ZNF536: variants seen among roughly 807,000 people sequenced by gnomAD.
ZNF536 encodes zinc finger protein 536.
ZNF536 carries 13 observed loss-of-function variants against 84.5 expected under a neutral mutation model. That is an observed-to-expected ratio of 0.15 (90% CI 0.10 to 0.24). ZNF536 has a LOEUF of 0.24. Among genes scored for constraint, ZNF536 ranks in the 10% least tolerant of loss-of-function variants. ZNF536 has a pLI of 1.00. For synonymous variants in ZNF536, 811 were observed against 742.5 expected (o/e 1.09, Z -1.50); for missense variants, 1,536 against 1,747.5 (o/e 0.88, Z 2.16).
intron 2 of ZNF536, among the ~76,000 whole-genome samples, chr19:30,507,880 T>C (rs2055238081): frequency 6.6e-6 from 1 of 152,190 alleles, no homozygotes; most frequent in South Asian, 2.1e-4. Flanking sequence ...GCCCATGCTT[T>C]TTTCTTTCTC....
intron 1 of ZNF536, among the ~76,000 whole-genome samples, chr19:30,255,256 A>G (rs2024850757): frequency 6.6e-6 from 1 of 152,104 alleles, no homozygotes; most frequent in South Asian, 2.1e-4. Flanking sequence ...CGGTGGGAAC[A>G]TATGGCTTTA....
At chr19:30,565,493 C>T (rs1228208748) in intron 1 of ZNF536, among the ~76,000 whole-genome samples, 1 of 152,244 alleles carries the variant, frequency 6.6e-6, no homozygotes. Context: ...AACCCTCTGT[C>T]ATTATCAGAA....
At chr19:30,268,279 A>T (rs988144695) in intron 1 of ZNF536, among the ~76,000 whole-genome samples, 3 of 152,108 alleles carry the variant, frequency 2.0e-5, no homozygotes, top group Non-Finnish European at 4.4e-5. Flanking sequence ...GATTCTTACT[A>T]TTGCAGGACC....
chr19:30,661,130 G>A (rs778488350), intron 1 of ZNF536, among the ~76,000 whole-genome samples: 5 of 152,146 alleles, frequency 3.3e-5, no homozygotes, highest in Non-Finnish European at 7.4e-5. Flanking sequence ...AAATTAAATT[G>A]CATGAGGCTT....
chr19:30,488,675 C>T (rs2054388560), intron 2 of ZNF536, among the ~76,000 whole-genome samples: 1 of 151,908 alleles, frequency 6.6e-6, no homozygotes, highest in Non-Finnish European at 1.5e-5. Context: ...GGAAAGCAAG[C>T]CAGGGGCAGA....
chr19:30,527,219 CTTTTTTTTTTTTTT>C (rs56404227), intron 2 of ZNF536, among the ~76,000 whole-genome samples: 54 of 106,170 alleles, frequency 5.1e-4, no homozygotes, highest in Admixed American at 2.1e-3. Flanking sequence ...ACCCAGCCTC[CTTTTTTTTTTTTTT>C]TTTTTTTTTT....
intron 2 of ZNF536, among the ~76,000 whole-genome samples, chr19:30,516,806 C>A (rs1045785067): frequency 1.3e-5 from 2 of 151,922 alleles, no homozygotes; most frequent in South Asian, 2.1e-4. Context: ...GGCTTCGTGG[C>A]GGCAGTGGAA....
chr19:30,467,939 G>A (rs578056060), intron 2 of ZNF536, among the ~76,000 whole-genome samples: 3 of 152,326 alleles, frequency 2.0e-5, no homozygotes, highest in South Asian at 2.1e-4. Flanking sequence ...GCCGCACAGC[G>A]GCCTGTGTGA....
chr19:30,241,182 G>A (rs987961977), intron 1 of ZNF536, among the ~76,000 whole-genome samples: 8 of 152,186 alleles, frequency 5.3e-5, no homozygotes, highest in African/African-American at 1.7e-4. Flanking sequence ...GCTGGGTGTG[G>A]TGGTGCATGC....
intron 1 of ZNF536, among the ~76,000 whole-genome samples, chr19:30,572,627 A>C (rs143138336): frequency 6.6e-6 from 1 of 152,230 alleles, no homozygotes; most frequent in African/African-American, 2.4e-5. Flanking sequence ...GCGTTGGCAG[A>C]TGGTCGCCAA....
intron 1 of ZNF536, among the ~76,000 whole-genome samples, chr19:30,636,624 T>G (rs2093056376): frequency 6.6e-6 from 1 of 152,132 alleles, no homozygotes; most frequent in Admixed American, 6.5e-5. Flanking sequence ...TCGGGTGAGA[T>G]CTAGGCAAGG....
chr19:30,470,429 C>A (rs1568463255), intron 2 of ZNF536, among the ~76,000 whole-genome samples: 1 of 151,364 alleles, frequency 6.6e-6, no homozygotes, highest in Non-Finnish European at 1.5e-5. Flanking sequence ...ACCTAATGTC[C>A]TTTGGTCTAG....
chr19:30,637,539 A>G (rs1033956631), intron 1 of ZNF536, among the ~76,000 whole-genome samples: 1 of 152,250 alleles, frequency 6.6e-6, no homozygotes, highest in Admixed American at 6.5e-5. Context: ...CTTGTTGGCC[A>G]GTCTTCATTC....
intron 2 of ZNF536, among the ~76,000 whole-genome samples, chr19:30,475,069 C>T (rs747164032): frequency 7.9e-5 from 12 of 152,006 alleles, no homozygotes; most frequent in Middle Eastern, 3.4e-3. Flanking sequence ...CTTATTTTTG[C>T]GTTATTGTTG....
chr19:30,332,911 G>T (rs1183188428), intron 2 of ZNF536, among the ~76,000 whole-genome samples: 1 of 152,170 alleles, frequency 6.6e-6, no homozygotes, highest in Admixed American at 6.5e-5. Flanking sequence ...TGAAACCCAT[G>T]TCTCTACAAA....
At chr19:30,669,049 G>A (rs1008562312) in intron 1 of ZNF536, among the ~76,000 whole-genome samples, 1 of 152,222 alleles carries the variant, frequency 6.6e-6, no homozygotes, top group Non-Finnish European at 1.5e-5. Context: ...GCTCATGGTG[G>A]CCCCTGCCCC....
At chr19:30,476,046 T>C (rs934396875) in intron 2 of ZNF536, among the ~76,000 whole-genome samples, 4 of 152,210 alleles carry the variant, frequency 2.6e-5, no homozygotes, top group African/African-American at 9.6e-5. Context: ...TCATTACACA[T>C]GACTACCAAG....
At chr19:30,300,897 C>T (rs1354482933) in intron 2 of ZNF536, among the ~76,000 whole-genome samples, 1 of 152,196 alleles carries the variant, frequency 6.6e-6, no homozygotes, top group Non-Finnish European at 1.5e-5. Flanking sequence ...CCTAGCTCTG[C>T]CGCTAACTAG....
At chr19:30,288,282 A>G (rs9630880) in intron 2 of ZNF536, among the ~76,000 whole-genome samples, 46,578 of 151,996 alleles carry the variant, frequency 0.31, 9,719 homozygotes, top group East Asian at 0.6. Context: ...AATCTGCACT[A>G]TATTCCATGT....
Sources: gnomAD v4.1 joint callset for allele counts (sites outside exome capture counted in the v4.1 genomes callset) on GRCh38, gnomAD v4.1.1 for gene constraint, MANE v1.5 for transcripts, NCBI Gene and HGNC (gene_info 2026-07-23, HGNC 2026-07-21) for gene names.